OSBPL5: variants seen among roughly 807,000 people sequenced by gnomAD.
The protein encoded by OSBPL5 is oxysterol binding protein like 5, also known as oxysterol-binding protein-related protein 5.
A neutral mutation model predicts 111.2 loss-of-function variants in OSBPL5; 71 were observed. The ratio of observed to expected loss-of-function variants is 0.64; its 90% CI spans 0.53 to 0.78. The LOEUF (loss-of-function observed/expected upper bound fraction) is 0.78, where lower values mean the gene tolerates loss of function less well. Ranked by LOEUF, OSBPL5 falls within the 30% of genes least tolerant of loss-of-function variation. OSBPL5 has a pLI of 0.00. For synonymous variants in OSBPL5, 549 were observed against 513.9 expected, an observed-to-expected ratio of 1.07 and a Z score of -0.93; for missense variants, 1,210 against 1,189.3, an observed-to-expected ratio of 1.02 and a Z score of -0.26.
rs533511113 is a variant in OSBPL5, at chr11:3,164,850, A to C, written c.-22+366T>G. 3.9e-5 allele frequency among the ~76,000 whole-genome samples: 6 copies of C among 152,252 alleles called. No homozygotes were observed. The South Asian group carries it at 1.2e-3, about 32-fold the overall frequency. Reference sequence around the variant, plus strand: ...GCCAGGGTTTGTGGTGGTCAGACCCAGCCACCTTCCCTGGCGGTCCCGGCT... The same window carrying C: ...GCCAGGGTTTGTGGTGGTCAGACCCCGCCACCTTCCCTGGCGGTCCCGGCT... On this transcript the variant is annotated intron_variant, in intron 1 of 21. Transcript: ENST00000263650.
intron 14 of OSBPL5, among the ~76,000 whole-genome samples, chr11:3,096,851 G>A (rs1231152782): frequency 2.0e-5 from 3 of 150,312 alleles, no homozygotes; most frequent in African/African-American, 7.3e-5. Context: ...AATATATGAA[G>A]CATGGATGAG....
intron 14 of OSBPL5, among the ~76,000 whole-genome samples, chr11:3,095,310 C>CAAAAAAAAAAAAAAAA (rs60973769): frequency 9.5e-6 from 1 of 105,698 alleles, no homozygotes; most frequent in African/African-American, 3.5e-5. Flanking sequence ...GACTCTGTCT[C>CAAAAAAAAAAAAAAAA]AAAAAAAAAA....
In OSBPL5 at chr11:3,122,397, T is replaced by C. The variant is rs1858452498; in HGVS notation, c.251A>G (p.Lys84Arg). ...AEYRLCNGSD[K>R]ECVSPTARVT... is the part of the protein sequence containing the mutation. ...CCTGGCGGTGGGGGACACACATTCC[T>C]TGTCTGACCCGTTGCACAGCCTGTA... The change falls in exon 4 of 22, where the codon AAG becomes AGG. Residue 84 changes from lysine (K) to arginine (R), a missense_variant. Transcript: ENST00000263650. 6.2e-7 allele frequency: 1 copy of C among 1,613,712 alleles called. No homozygotes were observed. Among genetic ancestry groups the C allele is most frequent in the Non-Finnish European group, 8.5e-7 (1 of 1,179,970 alleles).
intron 11 of OSBPL5, among the ~76,000 whole-genome samples, chr11:3,102,745 G>T (rs567960105): frequency 1.3e-5 from 2 of 152,142 alleles, no homozygotes; most frequent in African/African-American, 4.8e-5. Context: ...GCTTCCCATG[G>T]AACCCCAGGG....
rs1858084717 is a variant in OSBPL5, at chr11:3,113,538, C to A, written c.692-5593G>T. 6.6e-6 allele frequency among the ~76,000 whole-genome samples: 1 copy of A among 151,980 alleles called. No homozygotes were observed. Among genetic ancestry groups the A allele is most frequent in the Admixed American group, 6.6e-5 (1 of 15,252 alleles). ...GGTGTGTTGGCAGGCACCTGTAATC[C>A]CAGCTACTCGTGAGGCTGAGGCAGG... On this transcript the variant is annotated intron_variant, in intron 7 of 21. Coordinates refer to ENST00000263650, the MANE Select transcript of OSBPL5 (RefSeq NM_020896.4). This position sits in a 1 kb window ranked among gnomAD's most constrained non-coding sequence, Gnocchi z 4.8.
chr11:3,141,725 T>G lies in OSBPL5; in HGVS notation c.-21-12556A>C, dbSNP rs1401432009. 2.6e-5 allele frequency among the ~76,000 whole-genome samples: 4 copies of G among 152,090 alleles called. No individual in the cohort carries two copies. The highest frequency in any genetic ancestry group is 6.5e-5 in the Admixed American group (1 of 15,278). On this transcript the variant is annotated intron_variant, in intron 1 of 21. Coordinates refer to ENST00000263650, the MANE Select transcript of OSBPL5 (RefSeq NM_020896.4). This position sits in a 1 kb window ranked among gnomAD's most constrained non-coding sequence, Gnocchi z 6.5. ...TTTGCCGAGGTGCCTACGCCACCCT[T>G]GCATGTGTGTCCTCCCCTGGGCACA...
At chr11:3,096,270 T>A (rs10833222) in intron 14 of OSBPL5, among the ~76,000 whole-genome samples, 152,279 of 152,334 alleles carry the variant, frequency 1, 76,113 homozygotes, top group Non-Finnish European at 1. Flanking sequence ...CGATGACAAC[T>A]AAGAGTTTGT....
intron 1 of OSBPL5, among the ~76,000 whole-genome samples, chr11:3,151,793 G>A (rs887074914): frequency 1.3e-5 from 2 of 152,248 alleles, no homozygotes. Flanking sequence ...ACGCTGTGCT[G>A]GGAACCTGGA....
chr11:3,126,344 G>T lies in OSBPL5; in HGVS notation c.219+129C>A. 1.3e-6 allele frequency: 1 copy of T among 776,050 alleles called. No homozygotes were observed. The allele number at this position is 776,050 out of a possible 1,614,324, so 48.1% of individuals were successfully genotyped here. ...GGAGCAGCACAGTCTAGGATTGGGA[G>T]CTGTTTCCCCCGAACAGGCTGGAAT... On this transcript the variant is annotated intron_variant, in intron 3 of 21. Coordinates refer to ENST00000263650, the MANE Select transcript of OSBPL5 (RefSeq NM_020896.4). The surrounding 1 kb of genome is among the most constrained non-coding windows in gnomAD (Gnocchi z 6.5).
rs1282697964 is a variant in OSBPL5 at position 3,130,589 on chromosome 11, C to T, written c.-21-1420G>A. On this transcript the variant is annotated intron_variant, in intron 1 of 21. Coordinates refer to ENST00000263650, the MANE Select transcript of OSBPL5 (RefSeq NM_020896.4). The surrounding 1 kb of genome is among the most constrained non-coding windows in gnomAD (Gnocchi z 4.5). Reference sequence around the variant, plus strand: ...GCAGCCAGGCTGGGCCAGCCCCTCCCTCACCTGGCCCCTGGCTCGGCTCAT... The same window carrying T: ...GCAGCCAGGCTGGGCCAGCCCCTCCTTCACCTGGCCCCTGGCTCGGCTCAT... Among the ~76,000 whole-genome samples, 1 of 152,160 alleles carries T rather than the reference C, an allele frequency of 6.6e-6. No individual in the cohort carries two copies. Among genetic ancestry groups the T allele is most frequent in the Non-Finnish European group, 1.5e-5 (1 of 68,022 alleles).
At chr11:3,139,081 C>A (rs1846033682) in intron 1 of OSBPL5, among the ~76,000 whole-genome samples, 1 of 152,182 alleles carries the variant, frequency 6.6e-6, no homozygotes, top group South Asian at 2.1e-4. Flanking sequence ...GGGGTGCGAG[C>A]AGGCCCACAC....
chr11:3,128,234 G>A (rs1858703397), intron 2 of OSBPL5, among the ~76,000 whole-genome samples: 1 of 152,200 alleles, frequency 6.6e-6, no homozygotes, highest in Non-Finnish European at 1.5e-5. Context: ...CAGGGCAGAT[G>A]AGATGACCAT....
chr11:3,106,260 A>G lies in OSBPL5; in HGVS notation c.1059+1003T>C, dbSNP rs1465030608. Reference sequence around the variant, plus strand: ...GCGAACACGACGCTGTCCAAACAACAGCAAGGAACGAATTCCCCTTTCCTG... The same window carrying G: ...GCGAACACGACGCTGTCCAAACAACGGCAAGGAACGAATTCCCCTTTCCTG... On this transcript the variant is annotated intron_variant, in intron 9 of 21. Transcript: ENST00000263650. This position sits in a 1 kb window ranked among gnomAD's most constrained non-coding sequence, Gnocchi z 8.4. Among the ~76,000 whole-genome samples the G allele has an allele frequency of 6.6e-6, 1 of 152,126 alleles. No homozygotes were observed. Among genetic ancestry groups the G allele is most frequent in the East Asian group, 1.9e-4 (1 of 5,194 alleles).
At position 3,106,026 on chromosome 11, in the gene OSBPL5, A is replaced by AC. The variant is rs1857679777; in HGVS notation, c.1059+1236dup. Among the ~76,000 whole-genome samples, 1 of 151,520 alleles carries AC rather than the reference A, an allele frequency of 6.6e-6. No homozygotes were observed. The highest frequency in any genetic ancestry group is 2.1e-4 in the South Asian group (1 of 4,780). On this transcript the variant is annotated intron_variant, in intron 9 of 21. Transcript: ENST00000263650. The surrounding 1 kb of genome is among the most constrained non-coding windows in gnomAD (Gnocchi z 8.4). ...TCGGCTGTCCCGAGGCCCTTGCCTA[A>AC]CCCGCCGGTGGCTTCCCCAATACTC... is the stretch of plus-strand genomic sequence containing the variant.
chr11:3,160,265 C>T (rs1846914843), intron 1 of OSBPL5, among the ~76,000 whole-genome samples: 6 of 152,186 alleles, frequency 3.9e-5, no homozygotes, highest in Admixed American at 3.9e-4. Context: ...CCCTAAAGTG[C>T]TCCCCTCCCG....
intron 1 of OSBPL5, among the ~76,000 whole-genome samples, chr11:3,145,137 C>A (rs1028187956): frequency 1.3e-5 from 2 of 152,222 alleles, no homozygotes; most frequent in South Asian, 2.1e-4. Flanking sequence ...ACGCTCTCTG[C>A]GTGCACCTGG....
intron 7 of OSBPL5, among the ~76,000 whole-genome samples, chr11:3,112,174 G>GT (rs1858018910): frequency 6.6e-6 from 1 of 152,202 alleles, no homozygotes; most frequent in Non-Finnish European, 1.5e-5. Flanking sequence ...TTCTGTTTTT[G>GT]TTTTTCTCCT....
At position 3,154,398 on chromosome 11, in the gene OSBPL5, G is replaced by A. The variant is rs1033404510; in HGVS notation, c.-22+10818C>T. On this transcript the variant is annotated intron_variant, in intron 1 of 21. Coordinates refer to ENST00000263650, the MANE Select transcript of OSBPL5 (RefSeq NM_020896.4). This position sits in a 1 kb window ranked among gnomAD's most constrained non-coding sequence, Gnocchi z 4.9. The stretch of plus-strand genomic sequence containing the variant: ...GGCTGACGGCGTGTGGCACAGGCGG[G>A]GTGAGCCCGGAAGGGTGAGCATGCG... 6.6e-6 allele frequency among the ~76,000 whole-genome samples: 1 copy of A among 152,252 alleles called. No individual in the cohort carries two copies. The highest frequency in any genetic ancestry group is 6.5e-5 in the Admixed American group (1 of 15,292).
chr11:3,103,859 C>T (rs79633709), intron 10 of OSBPL5, among the ~76,000 whole-genome samples: 672 of 40,432 alleles, frequency 0.017, 21 homozygotes, highest in South Asian at 0.097. Context: ...TTCCAGTCTG[C>T]GCAGCCCCCT....
Sources: allele counts gnomAD v4.1 joint callset (sites outside exome capture counted in the v4.1 genomes callset), GRCh38; gene constraint gnomAD v4.1.1; non-coding constraint Gnocchi (gnomAD v3.1); transcripts MANE v1.5; gene names NCBI Gene and HGNC (gene_info 2026-07-23, HGNC 2026-07-21).